The following POLN variants were observed in gnomAD, a reference collection of about 807,000 sequenced individuals.
The protein encoded by POLN is DNA polymerase N.
In POLN, 108 loss-of-function variants were observed where a neutral mutation model predicts 113.5. The observed-to-expected ratio is 0.95, with a 90% CI of 0.81 to 1.12. POLN has a LOEUF of 1.12. POLN is among the 50% of genes most tolerant of loss of function. The pLI, the probability that POLN is intolerant of heterozygous loss-of-function variation, is 0.00. For synonymous variants in POLN, 386 were observed against 391.5 expected (o/e 0.99, Z 0.17); for missense variants, 1,097 against 1,077.1 (o/e 1.02, Z -0.26).
Position 2,229,255 on chromosome 4 carries a change from A to G in POLN, c.-12-12T>C, listed in dbSNP as rs370635645. 2.5e-6 allele frequency: 4 copies of G among 1,574,652 alleles called. No individual in the cohort carries two copies. The highest frequency in any genetic ancestry group is 3.5e-6 in the Non-Finnish European group (4 of 1,157,158). Reference sequence around the variant, plus strand: ...ATTTTCACAAAATCCTAAATGTAAGATTAACATAAGATAAATCCCATATAT... The same window carrying G: ...ATTTTCACAAAATCCTAAATGTAAGGTTAACATAAGATAAATCCCATATAT... On this transcript the variant is annotated splice_polypyrimidine_tract_variant and intron_variant, in intron 2 of 25. Transcript: ENST00000511885.
rs1165164200 is a variant in POLN at position 2,127,524 on chromosome 4, C to T, written c.1982+589G>A. Among the ~76,000 whole-genome samples the T allele has an allele frequency of 3.3e-5, 5 of 152,284 alleles. No homozygotes were observed. The highest frequency in any genetic ancestry group is 2.0e-4 in the Admixed American group (3 of 15,292). ...GAGGGGTGAGAGAGAGCCTTGCACC[C>T]GTCTCTCCATCCTGCTTTGGAGACC... On this transcript the variant is annotated intron_variant, in intron 19 of 25. Transcript: ENST00000511885. This position sits in a 1 kb window ranked among gnomAD's most constrained non-coding sequence, Gnocchi z 4.7.
chr4:2,224,072 A>G (rs562153961), intron 3 of POLN, among the ~76,000 whole-genome samples: 20 of 152,350 alleles, frequency 1.3e-4, no homozygotes, highest in Middle Eastern at 6.8e-3. Flanking sequence ...CCTTAAGACA[A>G]AAACACATTG....
chr4:2,113,007 C>G (rs1163934855), intron 19 of POLN, among the ~76,000 whole-genome samples: 3 of 152,012 alleles, frequency 2.0e-5, no homozygotes, highest in African/African-American at 7.3e-5. Context: ...CAATGATAGA[C>G]TGGATTAAGA....
intron 7 of POLN, among the ~76,000 whole-genome samples, chr4:2,192,862 T>C (rs1577758727): frequency 6.6e-6 from 1 of 151,216 alleles, no homozygotes; most frequent in Non-Finnish European, 1.5e-5. Flanking sequence ...AAAAGGTAGG[T>C]CCTATATTGT....
At chr4:2,090,400 A>G (rs777624044) in intron 20 of POLN, 4 of 634,092 alleles carry the variant, frequency 6.3e-6, no homozygotes, top group Non-Finnish European at 1.1e-5. Context: ...AAATCCACTG[A>G]GCTGATGGTT....
chr4:2,073,554 C>A (rs988439095), intron 24 of POLN, among the ~76,000 whole-genome samples: 2 of 152,212 alleles, frequency 1.3e-5, no homozygotes, highest in Non-Finnish European at 2.9e-5. Context: ...GCAGGCTGAC[C>A]CCGTTGTTGG....
chr4:2,162,378 A>G (rs1732619881), intron 13 of POLN, among the ~76,000 whole-genome samples: 1 of 151,990 alleles, frequency 6.6e-6, no homozygotes, highest in Non-Finnish European at 1.5e-5. Flanking sequence ...ACCAGAAGGA[A>G]GAAACTCCAA....
intron 5 of POLN, among the ~76,000 whole-genome samples, chr4:2,200,398 A>G (rs1365442698): frequency 6.6e-6 from 1 of 152,222 alleles, no homozygotes; most frequent in Non-Finnish European, 1.5e-5. Context: ...TTGCTCTAGA[A>G]TGACTACAAG....
chr4:2,150,363 T>C (rs974017204), intron 16 of POLN, among the ~76,000 whole-genome samples: 7 of 152,024 alleles, frequency 4.6e-5, no homozygotes, highest in African/African-American at 7.2e-5. Flanking sequence ...ATACCAGGGA[T>C]AAAAAAGGTT....
rs1731605351 is a variant in POLN at position 2,127,228 on chromosome 4, G to T, written c.1982+885C>A. On this transcript the variant is annotated intron_variant, in intron 19 of 25. Transcript: ENST00000511885. This position sits in a 1 kb window ranked among gnomAD's most constrained non-coding sequence, Gnocchi z 4.7. ...GGGAGGTGGCACCTGCAGCTGATGA[G>T]GGAGGGGACAGTGACTCAGACACAC... 6.6e-6 allele frequency among the ~76,000 whole-genome samples: 1 copy of T among 152,056 alleles called. No individual in the cohort carries two copies. Among genetic ancestry groups the T allele is most frequent in the South Asian group, 2.1e-4 (1 of 4,818 alleles).
At chr4:2,177,447 C>G (rs572474218) in intron 8 of POLN, among the ~76,000 whole-genome samples, 1 of 152,242 alleles carries the variant, frequency 6.6e-6, no homozygotes, top group Non-Finnish European at 1.5e-5. Context: ...AACCTGTGAT[C>G]TGTAGATTAA....
intron 3 of POLN, among the ~76,000 whole-genome samples, chr4:2,215,080 T>C (rs995190171): frequency 8.5e-5 from 13 of 152,058 alleles, no homozygotes; most frequent in African/African-American, 2.9e-4. Context: ...AGTAAACAGG[T>C]TTAAACCAAA....
intron 8 of POLN, among the ~76,000 whole-genome samples, chr4:2,177,861 T>C (rs1733033445): frequency 6.6e-6 from 1 of 152,182 alleles, no homozygotes; most frequent in African/African-American, 2.4e-5. Context: ...TGCTGAAACT[T>C]TGACTTTTGG....
intron 19 of POLN, among the ~76,000 whole-genome samples, chr4:2,099,281 TC>T (rs1370824839): frequency 6.6e-6 from 1 of 152,164 alleles, no homozygotes; most frequent in East Asian, 1.9e-4. Flanking sequence ...GAAGAGAGTA[TC>T]TTTATAGTAG....
Position 2,157,982 on chromosome 4 carries a change from C to A in POLN, c.1612-71G>T, listed in dbSNP as rs562717071. ...CTTTTTTTGTGGGGGGAAGGAGTCT[C>A]GCTCCATTGCCCAGGCTGGAGTGCA... is the stretch of plus-strand genomic sequence containing the variant. On this transcript the variant is annotated intron_variant, in intron 14 of 25. Transcript: ENST00000511885. 1,002 of 1,221,444 alleles carry A rather than the reference C, an allele frequency of 8.2e-4. 4 individuals are homozygous for A. Among genetic ancestry groups the A allele is most frequent in the Non-Finnish European group, 1.0e-3 (865 of 848,666 alleles). 75.7% of individuals were successfully genotyped at this position (1,221,444 alleles called of 1,614,324 possible). A position where few individuals can be genotyped will look rare whatever the true frequency, so the allele number is the denominator to read the frequency against.
chr4:2,139,791 C>T (rs565212), intron 16 of POLN: 132,043 of 152,170 alleles, frequency 0.87, 57,928 homozygotes, highest in Non-Finnish European at 0.94. Context: ...ATGGCAACAA[C>T]GTAAAGGCCT....
At chr4:2,211,335 T>C (rs1419143977) in intron 4 of POLN, among the ~76,000 whole-genome samples, 1 of 150,642 alleles carries the variant, frequency 6.6e-6, no homozygotes, top group African/African-American at 2.4e-5. Context: ...AAAGTGCATA[T>C]TTAATTTTCG....
At chr4:2,089,471 G>GA in intron 20 of POLN, 1 of 1,407,450 alleles carries the variant, frequency 7.1e-7, no homozygotes, top group Admixed American at 2.3e-5. Flanking sequence ...TTGTGTTCCC[G>GA]AAACAGTTCA....
In POLN at chr4:2,081,022, G is replaced by C; in HGVS notation, c.2323C>G (p.Leu775Val). ...ACATGGATCATGGCCAGCTTGCAGA[G>C]GTCAGCAGCGGAGCCTATGGGGCGC... ...NFVVQGSAAD[L>V]CKLAMIHVFT... The change falls in exon 23 of 26, where the codon CTC becomes GTC. Residue 775 changes from leucine (L) to valine (V), a missense_variant. By Grantham distance (32) the Leu-to-Val change is conservative (BLOSUM62 1). Transcript: ENST00000511885. 1.9e-6 allele frequency: 3 copies of C among 1,613,788 alleles called. No individual in the cohort carries two copies. Among genetic ancestry groups the C allele is most frequent in the Non-Finnish European group, 1.7e-6 (2 of 1,179,980 alleles).
Sources: allele counts gnomAD v4.1 joint callset (sites outside exome capture counted in the v4.1 genomes callset), GRCh38; gene constraint gnomAD v4.1.1; non-coding constraint Gnocchi (gnomAD v3.1); transcripts MANE v1.5; gene names NCBI Gene and HGNC (gene_info 2026-07-23, HGNC 2026-07-21).